BEND4: variants seen among roughly 807,000 people sequenced by gnomAD.
BEND4 encodes the protein BEN domain containing 4.
A neutral mutation model predicts 54.7 loss-of-function variants in BEND4; 27 were observed. That is an observed-to-expected ratio of 0.49 (90% CI 0.36 to 0.68). The LOEUF (loss-of-function observed/expected upper bound fraction) is 0.68, where lower values mean the gene tolerates loss of function less well. Among genes scored for constraint, BEND4 ranks in the 30% least tolerant of loss-of-function variants. BEND4 has a pLI of 0.00. For missense variants in BEND4, 702 were observed against 697.2 expected (o/e 1.01, Z -0.08); for synonymous variants, 327 against 299.5 (o/e 1.09, Z -0.95).
chr4:42,135,345 C>T (rs1720661774), intron 3 of BEND4, among the ~76,000 whole-genome samples: 2 of 152,198 alleles, frequency 1.3e-5, no homozygotes, highest in South Asian at 4.1e-4. Context: ...ATAAGGAAAA[C>T]AACTTATGAT....
intron 3 of BEND4, among the ~76,000 whole-genome samples, chr4:42,130,746 A>G (rs1271861262): frequency 5.3e-5 from 8 of 152,264 alleles, no homozygotes; most frequent in Middle Eastern, 3.2e-3. Context: ...TCATTCTATT[A>G]CAAAGATACA....
At chr4:42,132,217 C>G (rs1044887132) in intron 3 of BEND4, among the ~76,000 whole-genome samples, 1 of 152,140 alleles carries the variant, frequency 6.6e-6, no homozygotes, top group Admixed American at 6.5e-5. Context: ...TGTGGAGTTT[C>G]CGAGTGAGGA....
rs1193093160 is a variant in BEND4, at chr4:42,112,336, A to G, written c.*5182T>C. ...CCAAGTAACTGTCACACAATAACTCAATAGATAGATATTAACTATAGTTAC... is the reference window on the plus strand; with the variant it reads ...CCAAGTAACTGTCACACAATAACTCGATAGATAGATATTAACTATAGTTAC... On this transcript the variant is annotated 3_prime_UTR_variant, in exon 6 of 6. Transcript: ENST00000502486. The G allele has an allele frequency of 6.6e-6, 1 of 152,244 alleles. No homozygotes were observed. The highest frequency in any genetic ancestry group is 1.5e-5 in the Non-Finnish European group (1 of 68,050). 9.4% of individuals were successfully genotyped at this position (152,244 alleles called of 1,614,324 possible).
chr4:42,124,026 T>C (rs975321042), intron 4 of BEND4, among the ~76,000 whole-genome samples: 5 of 152,184 alleles, frequency 3.3e-5, no homozygotes, highest in Non-Finnish European at 7.3e-5. Context: ...GCTCTAGGTA[T>C]GCATGTGGGA....
At chr4:42,148,245 C>A (rs916840084) in intron 2 of BEND4, among the ~76,000 whole-genome samples, 3 of 152,096 alleles carry the variant, frequency 2.0e-5, no homozygotes, top group Admixed American at 6.5e-5. Flanking sequence ...TGAACTATGT[C>A]TTTTTTAAAA....
Position 42,152,052 on chromosome 4 carries a change from G to C in BEND4, c.92C>G (p.Pro31Arg). The C allele has an allele frequency of 1.6e-6, 2 of 1,252,162 alleles. No individual in the cohort carries two copies. The highest frequency in any genetic ancestry group is 8.1e-5 in the South Asian group (2 of 24,650). 77.6% of individuals were successfully genotyped at this position (1,252,162 alleles called of 1,614,324 possible). A position where few individuals can be genotyped will look rare whatever the true frequency, so the allele number is the denominator to read the frequency against. The change falls in exon 2 of 6, where the codon CCC becomes CGC. Residue 31 changes from proline (P) to arginine (R), a missense_variant. Pro to Arg is a moderately radical substitution (Grantham distance 103, BLOSUM62 -2). Transcript: ENST00000502486. The part of the protein sequence containing the change: ...RSPYSVLKTF[P>R]SKRPALAKRY... ...CTTGGCCAGCGCCGGTCTCTTGCTG[G>C]GGAACGTCTTGAGGACGCTGTAGGG... is the stretch of plus-strand genomic sequence containing the variant.
intron 3 of BEND4, among the ~76,000 whole-genome samples, chr4:42,133,886 G>A (rs1228708018): frequency 1.3e-5 from 2 of 152,108 alleles, no homozygotes; most frequent in Non-Finnish European, 2.9e-5. Flanking sequence ...CTGGGAAAAT[G>A]ACCTACTGTA....
At chr4:42,142,079 ATT>A (rs1560582760) in intron 3 of BEND4, among the ~76,000 whole-genome samples, 3 of 150,698 alleles carry the variant, frequency 2.0e-5, no homozygotes, top group Non-Finnish European at 4.4e-5. Context: ...ACTTTTGTGT[ATT>A]TTTTTAGTAG....
At chr4:42,144,989 A>T (rs1721026084) in intron 2 of BEND4, among the ~76,000 whole-genome samples, 1 of 152,220 alleles carries the variant, frequency 6.6e-6, no homozygotes, top group Admixed American at 6.5e-5. Context: ...ACACAGAAGC[A>T]TGAGGATGTC....
intron 2 of BEND4, 114 bp downstream of exon 2, chr4:42,151,543 T>C (rs994474282): frequency 3.5e-6 from 4 of 1,136,930 alleles, no homozygotes; most frequent in Non-Finnish European, 4.6e-6. Context: ...CGCCCCGACA[T>C]CCCGACACGG....
At chr4:42,150,521 A>G (rs959248227) in intron 2 of BEND4, among the ~76,000 whole-genome samples, 5 of 152,344 alleles carry the variant, frequency 3.3e-5, no homozygotes, top group African/African-American at 9.6e-5. Context: ...CAACACTTCT[A>G]TTTTCCACAG....
chr4:42,145,482 G>A (rs1037849580), intron 2 of BEND4, among the ~76,000 whole-genome samples: 11 of 151,968 alleles, frequency 7.2e-5, no homozygotes, highest in Admixed American at 7.2e-4. Flanking sequence ...ATCACGAGGT[G>A]GGAGATCGAG....
chr4:42,148,959 C>T (rs1164666619), intron 2 of BEND4, among the ~76,000 whole-genome samples: 1 of 152,154 alleles, frequency 6.6e-6, no homozygotes, highest in Non-Finnish European at 1.5e-5. Flanking sequence ...TTGAAAAAAT[C>T]TATTTTTAAT....
At position 42,152,386 on chromosome 4, in the gene BEND4, G is replaced by C; in HGVS notation, c.-233-10C>G. 3.4e-6 allele frequency: 1 copy of C among 292,948 alleles called. No homozygotes were observed. The highest frequency in any genetic ancestry group is 6.3e-6 in the Non-Finnish European group (1 of 158,530). The allele number at this position is 292,948 out of a possible 1,614,324, so 18.1% of individuals were successfully genotyped here. A position where few individuals can be genotyped will look rare whatever the true frequency, so the allele number is the denominator to read the frequency against. ...GCTGCCTCGCCAATGCCTGGAGGGA[G>C]AAAGGAGGTAAAGAGCAAGTGTTTA... On this transcript the variant is annotated splice_polypyrimidine_tract_variant and intron_variant, in intron 1 of 5. Coordinates refer to ENST00000502486, the MANE Select transcript of BEND4 (RefSeq NM_207406.4).
rs1001716422 is a variant in BEND4 at position 42,117,410 on chromosome 4, T to C, written c.*108A>G. ...GGGTACTGTGGCAGCTGAGAATGTG[T>C]AGACTATGGCAGAATGACAGGCTTT... On this transcript the variant is annotated 3_prime_UTR_variant, in exon 6 of 6. Transcript: ENST00000502486. 6.4e-6 allele frequency: 5 copies of C among 782,392 alleles called. No individual in the cohort carries two copies. Among genetic ancestry groups the C allele is most frequent in the African/African-American group, 1.8e-5 (1 of 57,126 alleles). 48.5% of individuals were successfully genotyped at this position (782,392 alleles called of 1,614,324 possible).
chr4:42,151,851 G>A lies in BEND4; in HGVS notation c.293C>T (p.Ser98Leu), dbSNP rs1721302905. 1.5e-6 allele frequency: 2 copies of A among 1,327,130 alleles called. No homozygotes were observed. The highest frequency in any genetic ancestry group is 9.5e-7 in the Non-Finnish European group (1 of 1,048,248). The allele number at this position is 1,327,130 out of a possible 1,614,324, so 82.2% of individuals were successfully genotyped here. ...PGPGRAAAAA[S>L]SSSPSCTPAT... ...GGGCGTGCAGGACGGCGACGACGAC[G>A]AAGCGGCGGCGGCGGCCCGGCCGGG... Residue 98 changes from serine to leucine, a missense_variant, in exon 2 of 6, where the codon TCG (serine) becomes TTG (leucine). Coordinates refer to ENST00000502486, the MANE Select transcript of BEND4 (RefSeq NM_207406.4).
chr4:42,147,304 T>C (rs569644836), intron 2 of BEND4, among the ~76,000 whole-genome samples: 23 of 152,206 alleles, frequency 1.5e-4, no homozygotes, highest in Admixed American at 9.2e-4. Context: ...TTAATACACA[T>C]TGCATGCAGC....
chr4:42,135,276 C>T (rs970830972), intron 3 of BEND4, among the ~76,000 whole-genome samples: 2 of 152,048 alleles, frequency 1.3e-5, no homozygotes, highest in Non-Finnish European at 2.9e-5. Flanking sequence ...ATCTGAGGTC[C>T]CCTACCTGGC....
intron 4 of BEND4, among the ~76,000 whole-genome samples, chr4:42,124,469 C>T (rs1041712251): frequency 5.3e-5 from 8 of 152,038 alleles, no homozygotes; most frequent in Non-Finnish European, 8.8e-5. Flanking sequence ...CTCATGAAGG[C>T]GTCATAGGAA....
Sources: gnomAD v4.1 joint callset for allele counts (sites outside exome capture counted in the v4.1 genomes callset) on GRCh38, gnomAD v4.1.1 for gene constraint, MANE v1.5 for transcripts, NCBI Gene and HGNC (gene_info 2026-07-23, HGNC 2026-07-21) for gene names.